Variants in TMEM132C observed in about 807,000 individuals in gnomAD.
The protein encoded by TMEM132C is protein phosphatase 1, regulatory subunit 152.
In TMEM132C, 29 loss-of-function variants were observed where a neutral mutation model predicts 61.4. The observed-to-expected ratio is 0.47, with a 90% CI of 0.35 to 0.64. TMEM132C has a LOEUF of 0.64. Ranked by LOEUF, TMEM132C falls within the 30% of genes least tolerant of loss-of-function variation. The probability of loss-of-function intolerance (pLI) is 0.00; values close to 1 mark genes in which losing one functional copy is unlikely to be tolerated. For synonymous variants in TMEM132C, 656 were observed against 633.1 expected (o/e 1.04, Z -0.54); for missense variants, 1,408 against 1,476.9 (o/e 0.95, Z 0.76).
rs1197445309 is a variant in TMEM132C at position 128,570,048 on chromosome 12, A to G, written c.1121+25945A>G. On this transcript the variant is annotated intron_variant, in intron 3 of 8. Coordinates refer to ENST00000435159, the MANE Select transcript of TMEM132C (RefSeq NM_001136103.3). The surrounding 1 kb of genome is among the most constrained non-coding windows in gnomAD (Gnocchi z 4.7). The stretch of plus-strand genomic sequence containing the variant: ...ACGTGAGAAGTGAAAGGAGAGATGG[A>G]GAATAAACACTGTCCATATTAGGAA... Among the ~76,000 whole-genome samples, 1 of 152,206 alleles carries G rather than the reference A, an allele frequency of 6.6e-6. No individual in the cohort carries two copies. The highest frequency in any genetic ancestry group is 1.9e-4 in the East Asian group (1 of 5,202).
intron 2 of TMEM132C, among the ~76,000 whole-genome samples, chr12:128,542,859 CAAAAA>C (rs59362697): frequency 4.7e-4 from 38 of 81,554 alleles, no homozygotes; most frequent in East Asian, 4.5e-3. Context: ...TACTTCGATG[CAAAAA>C]AAAAAAAAAA....
intron 3 of TMEM132C, among the ~76,000 whole-genome samples, chr12:128,573,473 G>T (rs1874974324): frequency 6.6e-6 from 1 of 151,862 alleles, no homozygotes; most frequent in South Asian, 2.1e-4. Flanking sequence ...GAGTGGGGAG[G>T]GATAGCATTA....
At chr12:128,400,899 G>T (rs533105253) in intron 1 of TMEM132C, among the ~76,000 whole-genome samples, 1 of 151,478 alleles carries the variant, frequency 6.6e-6, no homozygotes, top group African/African-American at 2.4e-5. Context: ...TTAAGCCACC[G>T]CACCTGCCTG....
At chr12:128,343,208 G>A (rs1437344622) in intron 1 of TMEM132C, among the ~76,000 whole-genome samples, 1 of 152,196 alleles carries the variant, frequency 6.6e-6, no homozygotes, top group East Asian at 1.9e-4. Context: ...GGTGGATCAC[G>A]AGGTCAAGAG....
chr12:128,276,318 A>G (rs985944564), intron 1 of TMEM132C, among the ~76,000 whole-genome samples: 1 of 152,216 alleles, frequency 6.6e-6, no homozygotes, highest in Non-Finnish European at 1.5e-5. Flanking sequence ...TTTTAAAAAT[A>G]ACTGAGAATA....
At position 128,402,702 on chromosome 12, in the gene TMEM132C, C is replaced by T. The variant is rs186710195; in HGVS notation, c.86-12030C>T. ...GTGGAGGATGTGGAGGAATCGGCCA[C>T]GTGGCCACCAGGCAAGCCATTGGCT... is the stretch of plus-strand genomic sequence containing the variant. On this transcript the variant is annotated intron_variant, in intron 1 of 8. Coordinates refer to ENST00000435159, the MANE Select transcript of TMEM132C (RefSeq NM_001136103.3). Among the ~76,000 whole-genome samples, 10 of 152,278 alleles carry T rather than the reference C, an allele frequency of 6.6e-5. No individual in the cohort carries two copies. The East Asian group carries it at 1.5e-3, about 24-fold the overall frequency.
chr12:128,683,579 T>G (rs1475912057), intron 5 of TMEM132C, among the ~76,000 whole-genome samples: 1 of 152,250 alleles, frequency 6.6e-6, no homozygotes, highest in East Asian at 1.9e-4. Context: ...CTCTGTTCTT[T>G]GATTTCCTCA....
chr12:128,473,069 A>G (rs73422511), intron 2 of TMEM132C, among the ~76,000 whole-genome samples: 10,315 of 148,474 alleles, frequency 0.069, 431 homozygotes, highest in Middle Eastern at 0.1. Flanking sequence ...GGCTTTAGGT[A>G]TCCCTTGGCT....
At chr12:128,520,749 A>C (rs1387935386) in intron 2 of TMEM132C, among the ~76,000 whole-genome samples, 2 of 151,676 alleles carry the variant, frequency 1.3e-5, no homozygotes, top group East Asian at 4.0e-4. Flanking sequence ...GGTTTATTTT[A>C]AACCTGGGAG....
chr12:128,373,680 G>A (rs1874096216), intron 1 of TMEM132C, among the ~76,000 whole-genome samples: 1 of 152,214 alleles, frequency 6.6e-6, no homozygotes, highest in African/African-American at 2.4e-5. Context: ...TGACTGCTAA[G>A]CCAGATCTTA....
intron 1 of TMEM132C, among the ~76,000 whole-genome samples, chr12:128,358,497 G>A (rs1873591266): frequency 6.7e-6 from 1 of 149,200 alleles, no homozygotes; most frequent in African/African-American, 2.5e-5. Flanking sequence ...TTAAAATTGT[G>A]TGTGTGTGTG....
intron 2 of TMEM132C, among the ~76,000 whole-genome samples, chr12:128,524,509 T>G (rs1051940660): frequency 1.3e-5 from 2 of 152,196 alleles, no homozygotes; most frequent in East Asian, 3.9e-4. Context: ...GTTCACCTTT[T>G]TTTTCAACTA....
intron 1 of TMEM132C, among the ~76,000 whole-genome samples, chr12:128,411,848 C>G (rs1314940383): frequency 6.6e-6 from 1 of 152,200 alleles, no homozygotes; most frequent in Admixed American, 6.5e-5. Flanking sequence ...CAATCCCATT[C>G]TAACCCACTG....
At chr12:128,551,156 G>C (rs1874160797) in intron 3 of TMEM132C, among the ~76,000 whole-genome samples, 1 of 151,496 alleles carries the variant, frequency 6.6e-6, no homozygotes, top group Non-Finnish European at 1.5e-5. Flanking sequence ...ATGAATCCTT[G>C]TCTTATGATC....
chr12:128,653,133 A>G (rs1954289044), intron 4 of TMEM132C, among the ~76,000 whole-genome samples: 2 of 152,232 alleles, frequency 1.3e-5, no homozygotes, highest in African/African-American at 4.8e-5. Context: ...TACCACGTGG[A>G]CGAACCTTGA....
Position 128,706,198 on chromosome 12 carries a change from G to T in TMEM132C, c.3230G>T (p.Ser1077Ile). 1 of 1,551,796 alleles carries T rather than the reference G, an allele frequency of 6.4e-7. No individual in the cohort carries two copies. The highest frequency in any genetic ancestry group is 8.7e-7 in the Non-Finnish European group (1 of 1,147,020). The change falls in exon 9 of 9, where the codon AGC (serine) becomes ATC (isoleucine). Residue 1077 changes from serine (S) to isoleucine (I), a missense_variant. Coordinates refer to ENST00000435159, the MANE Select transcript of TMEM132C (RefSeq NM_001136103.3). ...CCCACGGTGAACTCCATCGTCAGCA[G>T]CAATGATGAGGACATCAAATGGGTG... ...SCPTVNSIVS[S>I]NDEDIKWVCQ...
At chr12:128,444,986 G>A (rs899354789) in intron 2 of TMEM132C, among the ~76,000 whole-genome samples, 2 of 152,056 alleles carry the variant, frequency 1.3e-5, no homozygotes, top group African/African-American at 2.4e-5. Context: ...CAAATATATC[G>A]GGCTTTCCCG....
At chr12:128,571,562 C>A (rs926251039) in intron 3 of TMEM132C, among the ~76,000 whole-genome samples, 1 of 152,200 alleles carries the variant, frequency 6.6e-6, no homozygotes, top group Non-Finnish European at 1.5e-5. Context: ...CCCCACTCCC[C>A]CTCCCCGCAG....
chr12:128,517,626 C>G (rs1872761605), intron 2 of TMEM132C, among the ~76,000 whole-genome samples: 1 of 152,140 alleles, frequency 6.6e-6, no homozygotes, highest in East Asian at 1.9e-4. Flanking sequence ...GGTGGTAGGT[C>G]TATGGGTGTT....
Sources: allele counts gnomAD v4.1 joint callset (sites outside exome capture counted in the v4.1 genomes callset), GRCh38; gene constraint gnomAD v4.1.1; non-coding constraint Gnocchi (gnomAD v3.1); transcripts MANE v1.5; gene names NCBI Gene and HGNC (gene_info 2026-07-23, HGNC 2026-07-21).